The following UBN1 variants were observed in gnomAD, a reference collection of about 807,000 sequenced individuals.
UBN1 encodes the protein ubinuclein-1.
UBN1 carries 17 observed loss-of-function variants against 108.5 expected under a neutral mutation model. The ratio of observed to expected loss-of-function variants is 0.16; its 90% confidence interval spans 0.11 to 0.24. UBN1 has a LOEUF of 0.24. UBN1 is among the 10% of genes least tolerant of loss of function. The probability of loss-of-function intolerance (pLI) is 1.00; values close to 1 mark genes in which losing one functional copy is unlikely to be tolerated. For missense variants in UBN1, 1,595 were observed against 1,394.4 expected (o/e 1.14, Z -2.29); for synonymous variants, 726 against 564.2 (o/e 1.29, Z -4.07).
In UBN1 at chr16:4,877,046, G is replaced by T; in HGVS notation, c.3200G>T (p.Gly1067Val). The T allele has an allele frequency of 6.2e-7, 1 of 1,614,172 alleles. No individual in the cohort carries two copies. Among genetic ancestry groups the T allele is most frequent in the Non-Finnish European group, 8.5e-7 (1 of 1,180,040 alleles). The change falls in exon 16 of 18, where the codon GGG becomes GTG. Residue 1067 changes from glycine (G) to valine (V), a missense_variant. Physicochemically the swap from Gly to Val is moderately radical, Grantham distance 109 (BLOSUM62 -3). This residue lies in a region of UBN1 where 1,398 missense variants were observed against 1,194.7 expected (regional missense o/e 1.17). Coordinates refer to ENST00000262376, the MANE Select transcript of UBN1 (RefSeq NM_001079514.3). This position sits in a 1 kb window ranked among gnomAD's most constrained non-coding sequence, Gnocchi z 4.3. ...AGCGCTGACTCCTCTGCCAAAGCAGGGGTCTCCAAGGATGCCATCGTCACA... is the reference window on the plus strand; with the variant it reads ...AGCGCTGACTCCTCTGCCAAAGCAGTGGTCTCCAAGGATGCCATCGTCACA... The part of the protein sequence containing the change: ...SFSADSSAKA[G>V]VSKDAIVTGP...
intron 2 of UBN1, among the ~76,000 whole-genome samples, chr16:4,854,541 G>A (rs2086707882): frequency 7.2e-6 from 1 of 138,082 alleles, no homozygotes. Context: ...ATTTTTAGTA[G>A]AGATGGGGTT....
intron 10 of UBN1, 88 bp from the exon 11 acceptor site, chr16:4,870,756 C>T (rs2087589922): frequency 3.8e-6 from 6 of 1,592,184 alleles, no homozygotes; most frequent in Admixed American, 1.7e-5. Flanking sequence ...TTTTCTCCTT[C>T]TCTGTGAAGT....
At chr16:4,855,254 A>G (rs989217145) in intron 2 of UBN1, among the ~76,000 whole-genome samples, 1 of 152,162 alleles carries the variant, frequency 6.6e-6, no homozygotes, top group South Asian at 2.1e-4. Context: ...GGTCTTATTC[A>G]CAGGTGTGCT....
chr16:4,859,605 C>T (rs2086967241), intron 5 of UBN1, among the ~76,000 whole-genome samples: 1 of 152,182 alleles, frequency 6.6e-6, no homozygotes, highest in Non-Finnish European at 1.5e-5. Context: ...AGAGGTAGGG[C>T]CCACTTGTAA....
chr16:4,882,349 A>T lies in UBN1; in HGVS notation c.*2217A>T, dbSNP rs576083712. 6.6e-6 allele frequency: 1 copy of T among 152,074 alleles called. No homozygotes were observed. Among genetic ancestry groups the T allele is most frequent in the African/African-American group, 2.4e-5 (1 of 41,100 alleles). 9.4% of individuals were successfully genotyped at this position (152,074 alleles called of 1,614,324 possible). A position where few individuals can be genotyped will look rare whatever the true frequency, so the allele number is the denominator to read the frequency against. On this transcript the variant is annotated 3_prime_UTR_variant, in exon 18 of 18. Coordinates refer to ENST00000262376, the MANE Select transcript of UBN1 (RefSeq NM_001079514.3). Reference sequence around the variant, plus strand: ...TAAAGCAATTCAATAAATTGTTTCAAGGTTTCCAAAACATTTTTTCTCACT... The same window carrying T: ...TAAAGCAATTCAATAAATTGTTTCATGGTTTCCAAAACATTTTTTCTCACT...
At position 4,853,186 on chromosome 16, in the gene UBN1, G is replaced by C; in HGVS notation, c.249+20G>C. 6.2e-7 allele frequency: 1 copy of C among 1,612,950 alleles called. No individual in the cohort carries two copies. Among genetic ancestry groups the C allele is most frequent in the Non-Finnish European group, 8.5e-7 (1 of 1,179,744 alleles). On this transcript the variant is annotated intron_variant, in intron 2 of 17. Coordinates refer to ENST00000262376, the MANE Select transcript of UBN1 (RefSeq NM_001079514.3). Reference sequence around the variant, plus strand: ...GATAAGGTACACCCCTTTGTTCCCAGAGGCGCTGCAGGTTTAACGCACAGG... The same window carrying C: ...GATAAGGTACACCCCTTTGTTCCCACAGGCGCTGCAGGTTTAACGCACAGG...
At chr16:4,876,059 C>A (rs1315150925) in intron 15 of UBN1, among the ~76,000 whole-genome samples, 1 of 151,540 alleles carries the variant, frequency 6.6e-6, no homozygotes, top group Non-Finnish European at 1.5e-5. Flanking sequence ...CCCGGGTTCA[C>A]GCCATTCTCC....
At chr16:4,855,492 T>C (rs1217867019) in intron 2 of UBN1, among the ~76,000 whole-genome samples, 4 of 150,696 alleles carry the variant, frequency 2.7e-5, no homozygotes, top group African/African-American at 9.8e-5. Flanking sequence ...GGTGCATGCC[T>C]GAAGTTCCAG....
chr16:4,870,913 A>T lies in UBN1; in HGVS notation c.1500A>T (p.Glu500Asp). Residue 500 changes from glutamate (E) to aspartate (D), a missense_variant, in exon 11 of 18, where the codon GAA (glutamate) becomes GAT (aspartate). By Grantham distance (45) the Glu-to-Asp change is conservative (BLOSUM62 2). Around this residue, in one of 3 missense-constraint regions of UBN1, gnomAD observed 1,398 missense variants for 1,194.7 expected, o/e 1.17. Coordinates refer to ENST00000262376, the MANE Select transcript of UBN1 (RefSeq NM_001079514.3). The stretch of plus-strand genomic sequence containing the variant: ...GTTCGGATGAGGAAGAAGATGAAGA[A>T]AAAGGGGGCAGGAGGATAATGGGAC... ...RICSDEEEDEEKGGRRIMGPR... is the reference protein window; with the variant it reads ...RICSDEEEDEDKGGRRIMGPR... 1 of 1,614,044 alleles carries T rather than the reference A, an allele frequency of 6.2e-7. No homozygotes were observed. Among genetic ancestry groups the T allele is most frequent in the Non-Finnish European group, 8.5e-7 (1 of 1,180,002 alleles).
At chr16:4,851,819 C>T (rs1416358339) in intron 1 of UBN1, among the ~76,000 whole-genome samples, 1 of 150,944 alleles carries the variant, frequency 6.6e-6, no homozygotes, top group Non-Finnish European at 1.5e-5. Context: ...GAGACCCTAG[C>T]TCAAAAAAAA....
At chr16:4,859,828 G>C in intron 5 of UBN1, 37 bp from the exon 6 acceptor site, 1 of 1,612,510 alleles carries the variant, frequency 6.2e-7, no homozygotes, top group Non-Finnish European at 8.5e-7. Context: ...CCCTGAGTTA[G>C]GGAGCCGTGT....
At chr16:4,875,926 CG>C (rs1389734773) in intron 15 of UBN1, among the ~76,000 whole-genome samples, 4 of 151,006 alleles carry the variant, frequency 2.6e-5, no homozygotes, top group Non-Finnish European at 5.9e-5. Context: ...ACAGCAGGTT[CG>C]GGAAGAGGGA....
In UBN1 at chr16:4,881,020, G is replaced by A. The variant is rs1168093250; in HGVS notation, c.*888G>A. The A allele has an allele frequency of 1.3e-5, 2 of 152,444 alleles. No individual in the cohort carries two copies. The highest frequency in any genetic ancestry group is 2.9e-5 in the Non-Finnish European group (2 of 68,036). 9.4% of individuals were successfully genotyped at this position (152,444 alleles called of 1,614,324 possible). ...TTTTTACACTTGCACATCATTATCTGTGCCGTCCTGACTAGAAGGTTGTCT... is the reference window on the plus strand; with the variant it reads ...TTTTTACACTTGCACATCATTATCTATGCCGTCCTGACTAGAAGGTTGTCT... On this transcript the variant is annotated 3_prime_UTR_variant, in exon 18 of 18. Coordinates refer to ENST00000262376, the MANE Select transcript of UBN1 (RefSeq NM_001079514.3).
At chr16:4,851,965 A>G (rs1172539353) in intron 1 of UBN1, among the ~76,000 whole-genome samples, 1 of 152,260 alleles carries the variant, frequency 6.6e-6, no homozygotes, top group Non-Finnish European at 1.5e-5. Flanking sequence ...TTTATGTATA[A>G]TATCAAGAGC....
At chr16:4,876,454 TATATAA>T (rs1457092044) in intron 15 of UBN1, among the ~76,000 whole-genome samples, 1 of 152,080 alleles carries the variant, frequency 6.6e-6, no homozygotes, top group Non-Finnish European at 1.5e-5. Context: ...TGTATGTATG[TATATAA>T]ATATATATAC....
intron 2 of UBN1, among the ~76,000 whole-genome samples, chr16:4,854,109 G>A (rs534476310): frequency 1.3e-5 from 2 of 149,370 alleles, no homozygotes; most frequent in African/African-American, 2.5e-5. Flanking sequence ...TCTTGTCTCA[G>A]TGCAACCTCT....
intron 1 of UBN1, among the ~76,000 whole-genome samples, chr16:4,850,774 T>C (rs2086522015): frequency 1.3e-5 from 2 of 152,240 alleles, no homozygotes. Context: ...TACGTCTACA[T>C]GTATGTGGAT....
intron 7 of UBN1, among the ~76,000 whole-genome samples, chr16:4,865,258 T>G (rs2087271053): frequency 6.6e-6 from 1 of 152,202 alleles, no homozygotes; most frequent in Non-Finnish European, 1.5e-5. Flanking sequence ...TCAGAGATAT[T>G]GTCTATGCAA....
At position 4,877,648 on chromosome 16, in the gene UBN1, C is replaced by G; in HGVS notation, c.3355+174C>G. On this transcript the variant is annotated intron_variant, in intron 17 of 17. Coordinates refer to ENST00000262376, the MANE Select transcript of UBN1 (RefSeq NM_001079514.3). This position sits in a 1 kb window ranked among gnomAD's most constrained non-coding sequence, Gnocchi z 4.3. ...ACTCAGGGTGACACGCACTTCTACT[C>G]TTGGGGTTTCCTCTGGTCCCCACTT... is the stretch of plus-strand genomic sequence containing the variant. The G allele has an allele frequency of 7.6e-7, 1 of 1,316,598 alleles. No homozygotes were observed. The highest frequency in any genetic ancestry group is 3.8e-5 in the Admixed American group (1 of 26,246). The allele number at this position is 1,316,598 out of a possible 1,614,324, so 81.6% of individuals were successfully genotyped here.
Sources: allele counts gnomAD v4.1 joint callset (sites outside exome capture counted in the v4.1 genomes callset), GRCh38; gene constraint gnomAD v4.1.1; regional missense constraint gnomAD v4.1.1; non-coding constraint Gnocchi (gnomAD v3.1); transcripts MANE v1.5; gene names NCBI Gene and HGNC (gene_info 2026-07-23, HGNC 2026-07-21).